The following CCNJ variants were observed in gnomAD, a reference collection of about 807,000 sequenced individuals.
CCNJ encodes cyclin-J.
A neutral mutation model predicts 41.4 loss-of-function variants in CCNJ; 12 were observed. The ratio of observed to expected loss-of-function variants is 0.29; its 90% CI spans 0.19 to 0.47. CCNJ has a LOEUF of 0.47. Ranked by LOEUF, CCNJ falls within the 20% of genes least tolerant of loss-of-function variation. The pLI is 1.00. For missense variants in CCNJ, 340 were observed against 464.6 expected (o/e 0.73, Z 2.47); for synonymous variants, 161 against 173.4 (o/e 0.93, Z 0.56).
At position 96,054,218 on chromosome 10, in the gene CCNJ, A is replaced by G. The variant is rs910272098; in HGVS notation, c.281-2483A>G. 3.2e-4 allele frequency among the ~76,000 whole-genome samples: 48 copies of G among 152,296 alleles called. 1 individual carries two copies. The highest frequency in any genetic ancestry group is 2.2e-4 in the Non-Finnish European group (15 of 68,016). ...TATTTCCTATTTGGGGCCTTTATCA[A>G]TATAATCACATGGCTTCTGTTATTT... On this transcript the variant is annotated intron_variant, in intron 3 of 5. Coordinates refer to ENST00000465148, the MANE Select transcript of CCNJ (RefSeq NM_001134375.2).
In CCNJ at chr10:96,057,176, G is replaced by A; in HGVS notation, c.669G>A (p.Trp223Ter). ...SRIILRLSPT[W>*]PTRLHRLTAY... is the part of the protein sequence containing the mutation. ...TTATACTTCGTCTTTCTCCAACGTG[G>A]CCTACAAGACTACATCGTCTTACTG... Residue 223 changes from tryptophan to a stop codon, truncating the protein, a stop_gained, in exon 5 of 6, where the codon TGG (tryptophan) becomes TGA (stop). Coordinates refer to ENST00000465148, the MANE Select transcript of CCNJ (RefSeq NM_001134375.2). LOFTEE classifies it high-confidence loss of function. 1 of 1,613,882 alleles carries A rather than the reference G, an allele frequency of 6.2e-7. No homozygotes were observed. Among genetic ancestry groups the A allele is most frequent in the Non-Finnish European group, 8.5e-7 (1 of 1,179,766 alleles).
chr10:96,046,925 A>G (rs2080380827), intron 2 of CCNJ, among the ~76,000 whole-genome samples: 1 of 152,216 alleles, frequency 6.6e-6, no homozygotes, highest in African/African-American at 2.4e-5. Context: ...TGTGAGAAAC[A>G]TTAAGAAAGT....
intron 3 of CCNJ, among the ~76,000 whole-genome samples, chr10:96,054,435 T>A (rs2080621276): frequency 1.3e-5 from 2 of 152,236 alleles, no homozygotes; most frequent in African/African-American, 4.8e-5. Context: ...CTATACATAA[T>A]GGAAAAGTTC....
rs1263277915 is a variant in CCNJ, at chr10:96,056,634, C to G, written c.281-67C>G. 3 of 1,184,498 alleles carry G rather than the reference C, an allele frequency of 2.5e-6. No individual in the cohort carries two copies. The South Asian group carries it at 4.5e-5, about 18-fold the overall frequency. The allele number at this position is 1,184,498 out of a possible 1,614,324, so 73.4% of individuals were successfully genotyped here. ...CAATAAGACAGCAAATCCCATTTTA[C>G]TGACTAGACCAATAATGATCACTTG... On this transcript the variant is annotated intron_variant, in intron 3 of 5. Coordinates refer to ENST00000465148, the MANE Select transcript of CCNJ (RefSeq NM_001134375.2).
At position 96,058,268 on chromosome 10, in the gene CCNJ, A is replaced by C. The variant is rs769313140; in HGVS notation, c.*27A>C. 1 of 1,589,204 alleles carries C rather than the reference A, an allele frequency of 6.3e-7. No homozygotes were observed. The highest frequency in any genetic ancestry group is 8.6e-7 in the Non-Finnish European group (1 of 1,165,192). ...TATTTGTGAAGCTGATAACCGACCC[A>C]GACTGCTTTGTGACATGAAGCTATG... On this transcript the variant is annotated 3_prime_UTR_variant, in exon 6 of 6. Transcript: ENST00000465148.
In CCNJ at chr10:96,044,386, C is replaced by T. The variant is rs199607348; in HGVS notation, c.-8C>T. 1.2e-3 allele frequency: 1,759 copies of T among 1,522,556 alleles called. 1 individual carries two copies. Among genetic ancestry groups the T allele is most frequent in the Non-Finnish European group, 1.5e-3 (1,651 of 1,127,996 alleles). The allele number at this position is 1,522,556 out of a possible 1,614,324, so 94.3% of individuals were successfully genotyped here. ...TGCCGCGTCGGGCTGGGCGCGCCGCCGGGTCCCATGGAGCTGGAGGGGCAG... is the reference window on the plus strand; with the variant it reads ...TGCCGCGTCGGGCTGGGCGCGCCGCTGGGTCCCATGGAGCTGGAGGGGCAG... On this transcript the variant is annotated 5_prime_UTR_variant, in exon 2 of 6. Coordinates refer to ENST00000465148, the MANE Select transcript of CCNJ (RefSeq NM_001134375.2).
Position 96,050,387 on chromosome 10 carries a change from A to G in CCNJ, c.201A>G (p.Leu67=). 1 of 1,614,010 alleles carries G rather than the reference A, an allele frequency of 6.2e-7. No homozygotes were observed. Among genetic ancestry groups the G allele is most frequent in the Non-Finnish European group, 8.5e-7 (1 of 1,179,968 alleles). The change falls in exon 3 of 6, where the codon TTA becomes TTG. Residue 67 remains leucine, a synonymous_variant. Coordinates refer to ENST00000465148, the MANE Select transcript of CCNJ (RefSeq NM_001134375.2). ...CTGCCCGCCATCTTGCTGTCTATTT[A>G]CTGGACCTGTTTATGGACCGCTATG... ...CPSARHLAVY[L]LDLFMDRYDI...
intron 3 of CCNJ, among the ~76,000 whole-genome samples, chr10:96,051,343 T>C (rs1230627266): frequency 6.6e-6 from 1 of 152,236 alleles, no homozygotes; most frequent in Non-Finnish European, 1.5e-5. Context: ...TTTTTTCTTT[T>C]AATAATGTGG....
At position 96,060,201 on chromosome 10, in the gene CCNJ, T is replaced by C. The variant is rs1042273660; in HGVS notation, c.*1960T>C. On this transcript the variant is annotated 3_prime_UTR_variant, in exon 6 of 6. Coordinates refer to ENST00000465148, the MANE Select transcript of CCNJ (RefSeq NM_001134375.2). ...AACCCAGCAACCTGGAGTCCAATTT[T>C]CAGTATTTTAACTACCTCAATAATG... 1 of 152,640 alleles carries C rather than the reference T, an allele frequency of 6.6e-6. No individual in the cohort carries two copies. Among genetic ancestry groups the C allele is most frequent in the African/African-American group, 2.4e-5 (1 of 41,452 alleles). The allele number at this position is 152,640 out of a possible 1,614,324, so 9.5% of individuals were successfully genotyped here.
chr10:96,043,733 C>A lies in CCNJ; in HGVS notation c.-42+14C>A. On this transcript the variant is annotated intron_variant, in intron 1 of 5. Coordinates refer to ENST00000465148, the MANE Select transcript of CCNJ (RefSeq NM_001134375.2). ...CCGCGGTTCCGGGTAAGGGAGCCAG[C>A]GTGGGGCCGGGCGGCCCGGCAGGCC... 2.6e-6 allele frequency: 1 copy of A among 390,474 alleles called. No individual in the cohort carries two copies. The highest frequency in any genetic ancestry group is 4.5e-6 in the Non-Finnish European group (1 of 220,962). The allele number at this position is 390,474 out of a possible 1,614,324, so 24.2% of individuals were successfully genotyped here. A position where few individuals can be genotyped will look rare whatever the true frequency, so the allele number is the denominator to read the frequency against.
chr10:96,046,300 C>G (rs1017185710), intron 2 of CCNJ, among the ~76,000 whole-genome samples: 1 of 152,190 alleles, frequency 6.6e-6, no homozygotes, highest in African/African-American at 2.4e-5. Flanking sequence ...ATTATGCAAA[C>G]CATGGTTCTT....
chr10:96,051,603 T>C lies in CCNJ; in HGVS notation c.280+1137T>C, dbSNP rs560001643. Among the ~76,000 whole-genome samples the C allele has an allele frequency of 6.0e-4, 92 of 152,242 alleles. 1 individual carries two copies. In the Middle Eastern group the frequency reaches 0.01, roughly 17 times the overall value. ...CTTCACCTCTAACTCTCCCTTGAGG[T>C]TTTGGGGTCAAATATGGCTGGGATG... On this transcript the variant is annotated intron_variant, in intron 3 of 5. Transcript: ENST00000465148.
chr10:96,046,574 A>G (rs529494206), intron 2 of CCNJ, among the ~76,000 whole-genome samples: 13 of 152,318 alleles, frequency 8.5e-5, no homozygotes, highest in Non-Finnish European at 1.5e-4. Context: ...CCTTGCCTTC[A>G]TAGTCTAACC....
intron 2 of CCNJ, among the ~76,000 whole-genome samples, chr10:96,049,474 T>C (rs2080458895): frequency 7.7e-6 from 1 of 129,948 alleles, no homozygotes; most frequent in Admixed American, 8.4e-5. Context: ...CTTTTCTTTT[T>C]CTTTTTCTTT....
upstream of CCNJ, chr10:96,043,393 C>T: frequency 2.8e-6 from 1 of 361,314 alleles, no homozygotes; most frequent in Non-Finnish European, 4.9e-6. Flanking sequence ...CCACGCCGCG[C>T]CGTGCGGGAT....
At chr10:96,054,899 AT>A (rs2080637591) in intron 3 of CCNJ, among the ~76,000 whole-genome samples, 1 of 152,226 alleles carries the variant, frequency 6.6e-6, no homozygotes, top group Admixed American at 6.5e-5. Flanking sequence ...CCTTTGAAGT[AT>A]TCTGCCAGTA....
At position 96,058,477 on chromosome 10, in the gene CCNJ, A is replaced by G. The variant is rs1591025182; in HGVS notation, c.*236A>G. On this transcript the variant is annotated 3_prime_UTR_variant, in exon 6 of 6. Transcript: ENST00000465148. ...AATCCCTGTATGACAAAAATGTTCA[A>G]GTCCTGGCTGATGGTCCAAATATTT... 2 of 511,872 alleles carry G rather than the reference A, an allele frequency of 3.9e-6. No homozygotes were observed. Among genetic ancestry groups the G allele is most frequent in the Non-Finnish European group, 6.9e-6 (2 of 289,894 alleles). 31.7% of individuals were successfully genotyped at this position (511,872 alleles called of 1,614,324 possible).
chr10:96,046,248 C>T (rs1464160526), intron 2 of CCNJ, among the ~76,000 whole-genome samples: 1 of 152,184 alleles, frequency 6.6e-6, no homozygotes, highest in Non-Finnish European at 1.5e-5. Context: ...TTTTATTGGG[C>T]CACCTATGGC....
chr10:96,057,017 A>G lies in CCNJ; in HGVS notation c.580+17A>G. 6.2e-7 allele frequency: 1 copy of G among 1,612,920 alleles called. No homozygotes were observed. Among genetic ancestry groups the G allele is most frequent in the Middle Eastern group, 1.7e-4 (1 of 6,054 alleles). ...CTTTGCAAGGTGGGTTGTTGTGAAT[A>G]CCAGTAAGTGACTTGTGCACTTGTG... is the stretch of plus-strand genomic sequence containing the variant. On this transcript the variant is annotated intron_variant, in intron 4 of 5. Transcript: ENST00000465148.
Sources: allele counts gnomAD v4.1 joint callset (sites outside exome capture counted in the v4.1 genomes callset), GRCh38; gene constraint gnomAD v4.1.1; transcripts MANE v1.5; gene names NCBI Gene and HGNC (gene_info 2026-07-23, HGNC 2026-07-21).